CDH13: variants seen among roughly 807,000 people sequenced by gnomAD.
CDH13 encodes cadherin-13.
In CDH13, 24 loss-of-function variants were observed where a neutral mutation model predicts 63.8. The observed-to-expected ratio is 0.38, with a 90% CI of 0.27 to 0.53. The LOEUF is 0.53. Among genes scored for constraint, CDH13 ranks in the 20% least tolerant of loss-of-function variants. CDH13 has a pLI of 0.85. For missense variants in CDH13, 1,049 were observed against 903.1 expected (o/e 1.16, Z -2.07); for synonymous variants, 503 against 355.3 (o/e 1.42, Z -4.67).
intron 6 of CDH13, among the ~76,000 whole-genome samples, chr16:83,450,301 G>T (rs1598049717): frequency 6.6e-6 from 1 of 152,308 alleles, no homozygotes; most frequent in Non-Finnish European, 1.5e-5. Context: ...AGTGTGGAGT[G>T]CAGCTTGTTC....
chr16:83,076,624 A>G (rs753107193), intron 3 of CDH13, among the ~76,000 whole-genome samples: 20 of 151,656 alleles, frequency 1.3e-4, no homozygotes, highest in Non-Finnish European at 1.9e-4. Flanking sequence ...TTATATATAT[A>G]AATATACACA....
At chr16:83,403,014 C>G (rs1397228415) in intron 6 of CDH13, among the ~76,000 whole-genome samples, 1 of 152,126 alleles carries the variant, frequency 6.6e-6, no homozygotes, top group Non-Finnish European at 1.5e-5. Flanking sequence ...CCTAGCCACC[C>G]TGATTTATAA....
At chr16:82,940,206 CA>C in intron 2 of CDH13, among the ~76,000 whole-genome samples, 1 of 152,266 alleles carries the variant, frequency 6.6e-6, no homozygotes, top group Non-Finnish European at 1.5e-5. Flanking sequence ...AGGTCAAATG[CA>C]AAGCCTGAAA....
intron 2 of CDH13, among the ~76,000 whole-genome samples, chr16:82,948,685 T>C (rs765380998): frequency 6.6e-6 from 1 of 152,238 alleles, no homozygotes; most frequent in Non-Finnish European, 1.5e-5. Flanking sequence ...TTTCAAAATG[T>C]TGTCTAGAAT....
intron 6 of CDH13, among the ~76,000 whole-genome samples, chr16:83,363,594 C>G (rs2091204315): frequency 1.3e-5 from 2 of 152,172 alleles, no homozygotes; most frequent in South Asian, 4.1e-4. Context: ...GAGAAGGAAT[C>G]AAAGTGAAAC....
chr16:83,769,906 A>T (rs994276566), intron 11 of CDH13, among the ~76,000 whole-genome samples: 5 of 152,180 alleles, frequency 3.3e-5, no homozygotes, highest in Non-Finnish European at 7.3e-5. Context: ...AAGAGAAAAA[A>T]GTAATTAAAC....
chr16:83,417,821 G>T (rs923192597), intron 6 of CDH13, among the ~76,000 whole-genome samples: 3 of 152,074 alleles, frequency 2.0e-5, no homozygotes, highest in Admixed American at 2.0e-4. Flanking sequence ...CTTTGATGGG[G>T]AAACTGGGAT....
chr16:82,808,828 G>A (rs1253954667), intron 1 of CDH13, among the ~76,000 whole-genome samples: 4 of 152,116 alleles, frequency 2.6e-5, no homozygotes, highest in African/African-American at 4.8e-5. Context: ...TGTTCCTGGT[G>A]TGAGTCTGCC....
rs148962837 is a variant in CDH13, at chr16:82,631,713, A to C, written c.45+4576A>C. On this transcript the variant is annotated intron_variant, in intron 1 of 13. Coordinates refer to ENST00000567109, the MANE Select transcript of CDH13 (RefSeq NM_001257.5). Reference sequence around the variant, plus strand: ...CTTGCTCCTGCAGTAGGCACTCAGCAGTGGCCTTATTCTAGAGTTAGGGTG... The same window carrying C: ...CTTGCTCCTGCAGTAGGCACTCAGCCGTGGCCTTATTCTAGAGTTAGGGTG... Among the ~76,000 whole-genome samples the C allele has an allele frequency of 4.2e-3, 639 of 152,342 alleles. 3 individuals carry two copies. The highest frequency in any genetic ancestry group is 0.015 in the African/African-American group (612 of 41,582).
chr16:83,745,571 G>C (rs993819474), intron 10 of CDH13, among the ~76,000 whole-genome samples: 1 of 152,126 alleles, frequency 6.6e-6, no homozygotes, highest in African/African-American at 2.4e-5. Context: ...TCGCCATGAG[G>C]CTTGTGGTGA....
intron 10 of CDH13, among the ~76,000 whole-genome samples, chr16:83,680,020 T>C (rs1445277491): frequency 6.6e-6 from 1 of 152,164 alleles, no homozygotes; most frequent in Non-Finnish European, 1.5e-5. Flanking sequence ...GGTTGTTTGA[T>C]TAAGACCAGC....
rs551684676 is a variant in CDH13, at chr16:82,638,072, T to C, written c.45+10935T>C. 9.2e-3 allele frequency among the ~76,000 whole-genome samples: 1,407 copies of C among 152,338 alleles called. 22 individuals carry two copies. Among genetic ancestry groups the C allele is most frequent in the African/African-American group, 0.032 (1,350 of 41,578 alleles). ...TGAAGGGAGAAGAGGCTGCTGTGCC[T>C]TCCTTTGCTCCTTTGCTTCCTTTCA... On this transcript the variant is annotated intron_variant, in intron 1 of 13. Transcript: ENST00000567109.
chr16:83,480,111 C>G (rs1339099255), intron 6 of CDH13, among the ~76,000 whole-genome samples: 1 of 152,140 alleles, frequency 6.6e-6, no homozygotes, highest in Non-Finnish European at 1.5e-5. Flanking sequence ...GATCGCTTGA[C>G]TCCAGGGGTT....
chr16:82,643,346 A>G (rs912736025), intron 1 of CDH13, among the ~76,000 whole-genome samples: 2 of 152,146 alleles, frequency 1.3e-5, no homozygotes, highest in African/African-American at 2.4e-5. Flanking sequence ...GTGATACTCT[A>G]CTTGCTTTAC....
chr16:83,777,331 C>T (rs1915190655), intron 11 of CDH13, among the ~76,000 whole-genome samples: 1 of 152,200 alleles, frequency 6.6e-6, no homozygotes, highest in Non-Finnish European at 1.5e-5. Flanking sequence ...TCCTCAGTGC[C>T]CTCAGCTCTG....
intron 1 of CDH13, among the ~76,000 whole-genome samples, chr16:82,841,287 T>G (rs2151132234): frequency 6.6e-6 from 1 of 152,336 alleles, no homozygotes; most frequent in African/African-American, 2.4e-5. Flanking sequence ...CCATGATTTT[T>G]TGCAGCCTCT....
At chr16:82,748,676 T>C (rs2034284834) in intron 1 of CDH13, among the ~76,000 whole-genome samples, 1 of 152,178 alleles carries the variant, frequency 6.6e-6, no homozygotes, top group South Asian at 2.1e-4. Flanking sequence ...CATGTTAGCC[T>C]CACTGTGCTT....
At chr16:83,631,834 G>A (rs991942360) in intron 8 of CDH13, among the ~76,000 whole-genome samples, 2 of 152,278 alleles carry the variant, frequency 1.3e-5, no homozygotes, top group African/African-American at 4.8e-5. Context: ...TGGGATAAGG[G>A]GCCCTAGGCA....
intron 2 of CDH13, among the ~76,000 whole-genome samples, chr16:82,952,522 T>C (rs1460157223): frequency 1.3e-5 from 2 of 152,202 alleles, no homozygotes; most frequent in African/African-American, 2.4e-5. Flanking sequence ...ACAGTGCTTG[T>C]TGCTTTTCAA....
Sources: gnomAD v4.1 joint callset for allele counts (sites outside exome capture counted in the v4.1 genomes callset) on GRCh38, gnomAD v4.1.1 for gene constraint, MANE v1.5 for transcripts, NCBI Gene and HGNC (gene_info 2026-07-23, HGNC 2026-07-21) for gene names.